The following CRIM1 variants were observed in gnomAD, a reference collection of about 807,000 sequenced individuals.
CRIM1 encodes cysteine-rich motor neuron 1 protein.
Under a neutral mutation model 116.4 loss-of-function variants are expected in CRIM1, and 32 were observed. The observed-to-expected ratio is 0.27, with a 90% CI of 0.21 to 0.37. The LOEUF is 0.37. Ranked by LOEUF, CRIM1 falls within the 10% of genes least tolerant of loss-of-function variation. CRIM1 has a pLI of 1.00. For synonymous variants in CRIM1, 590 were observed against 509.2 expected (o/e 1.16, Z -2.13); for missense variants, 1,331 against 1,354.8 (o/e 0.98, Z 0.28).
chr2:36,415,775 A>T (rs1673568844), intron 2 of CRIM1, among the ~76,000 whole-genome samples: 1 of 152,172 alleles, frequency 6.6e-6, no homozygotes, highest in African/African-American at 2.4e-5. Context: ...ATGTGGTAGG[A>T]CCTTATTATA....
intron 2 of CRIM1, among the ~76,000 whole-genome samples, chr2:36,424,265 A>T (rs1450889684): frequency 6.6e-6 from 1 of 152,216 alleles, no homozygotes; most frequent in Middle Eastern, 3.2e-3. Flanking sequence ...CTTGTAGGGG[A>T]GGCAGAGATG....
intron 13 of CRIM1, among the ~76,000 whole-genome samples, chr2:36,522,874 T>C (rs1224075053): frequency 6.6e-6 from 1 of 151,644 alleles, no homozygotes; most frequent in East Asian, 1.9e-4. Context: ...GTTACAGCAC[T>C]GTCGTGTTCT....
At chr2:36,369,766 A>G (rs1056597453) in intron 1 of CRIM1, among the ~76,000 whole-genome samples, 4 of 152,214 alleles carry the variant, frequency 2.6e-5, no homozygotes, top group Non-Finnish European at 5.9e-5. Flanking sequence ...TACTCAGGGT[A>G]GTGAACTATT....
chr2:36,502,095 T>C (rs531507218), intron 8 of CRIM1, among the ~76,000 whole-genome samples: 1 of 152,278 alleles, frequency 6.6e-6, no homozygotes, highest in South Asian at 2.1e-4. Flanking sequence ...AAAATACAGA[T>C]TTCATTGTGT....
At chr2:36,427,460 G>T (rs1334659390) in intron 2 of CRIM1, among the ~76,000 whole-genome samples, 1 of 152,192 alleles carries the variant, frequency 6.6e-6, no homozygotes, top group African/African-American at 2.4e-5. Context: ...GGAAGCCATG[G>T]CAGCATGAGA....
At chr2:36,389,720 A>G (rs984655483) in intron 1 of CRIM1, among the ~76,000 whole-genome samples, 1 of 152,304 alleles carries the variant, frequency 6.6e-6, no homozygotes, top group African/African-American at 2.4e-5. Flanking sequence ...CAGAAATTTC[A>G]TGTGAACACA....
intron 2 of CRIM1, among the ~76,000 whole-genome samples, chr2:36,420,607 A>G (rs1184668802): frequency 1.3e-5 from 2 of 152,218 alleles, no homozygotes; most frequent in Admixed American, 6.5e-5. Flanking sequence ...GCACCTGTGC[A>G]TGCCAGTGCC....
chr2:36,410,580 C>A (rs1268762397), intron 2 of CRIM1, among the ~76,000 whole-genome samples: 1 of 150,992 alleles, frequency 6.6e-6, no homozygotes, highest in African/African-American at 2.4e-5. Context: ...TGCCCATGTT[C>A]TGTTATTAAG....
chr2:36,406,397 A>T (rs1008008531), intron 2 of CRIM1, among the ~76,000 whole-genome samples: 1 of 152,080 alleles, frequency 6.6e-6, no homozygotes, highest in Non-Finnish European at 1.5e-5. Flanking sequence ...GGAATATATG[A>T]CCTTTGATGG....
At chr2:36,477,149 G>C in intron 6 of CRIM1, 78 bp downstream of exon 6, 4 of 1,168,486 alleles carry the variant, frequency 3.4e-6, no homozygotes, top group Middle Eastern at 2.0e-4. Context: ...TCCTAATTCA[G>C]TCTCATCCAA....
chr2:36,480,900 AAAG>A (rs1430379688), intron 7 of CRIM1, among the ~76,000 whole-genome samples: 1 of 152,208 alleles, frequency 6.6e-6, no homozygotes, highest in East Asian at 1.9e-4. Context: ...GCTGAAAAAA[AAAG>A]AGCATGTAGA....
chr2:36,367,036 A>T (rs1397689556), intron 1 of CRIM1, among the ~76,000 whole-genome samples: 2 of 152,128 alleles, frequency 1.3e-5, no homozygotes, highest in Admixed American at 6.5e-5. Context: ...CTCACTTCCC[A>T]TATTTGGGAG....
At chr2:36,513,075 ACTGGACAGT>A (rs1231575578) in intron 10 of CRIM1, among the ~76,000 whole-genome samples, 1 of 152,190 alleles carries the variant, frequency 6.6e-6, no homozygotes, top group East Asian at 1.9e-4. Flanking sequence ...ATTTTTCAAA[ACTGGACAGT>A]TACCACCTTA....
At chr2:36,535,525 C>G (rs1037674051) in intron 13 of CRIM1, among the ~76,000 whole-genome samples, 1 of 152,276 alleles carries the variant, frequency 6.6e-6, no homozygotes, top group Middle Eastern at 3.4e-3. Flanking sequence ...CTGATTACAA[C>G]TAGAACTTTC....
intron 2 of CRIM1, among the ~76,000 whole-genome samples, chr2:36,399,681 T>A (rs1250525708): frequency 6.6e-6 from 1 of 152,162 alleles, no homozygotes; most frequent in Admixed American, 6.5e-5. Context: ...CATGTTTGGA[T>A]CATGACCGGA....
intron 13 of CRIM1, among the ~76,000 whole-genome samples, chr2:36,530,790 C>T (rs1455770251): frequency 1.3e-5 from 2 of 152,164 alleles, no homozygotes; most frequent in Non-Finnish European, 2.9e-5. Context: ...AAACCTCAAA[C>T]TTAAGAACCC....
chr2:36,424,126 C>G (rs1215620750), intron 2 of CRIM1, among the ~76,000 whole-genome samples: 1 of 152,156 alleles, frequency 6.6e-6, no homozygotes, highest in East Asian at 1.9e-4. Context: ...AGGCCCAGTC[C>G]TCATGGAAAT....
chr2:36,542,034 T>C (rs1410677629), intron 14 of CRIM1, among the ~76,000 whole-genome samples: 2 of 152,206 alleles, frequency 1.3e-5, no homozygotes, highest in Admixed American at 6.5e-5. Context: ...AATGACTCTC[T>C]TCCCTTGGAC....
intron 15 of CRIM1, among the ~76,000 whole-genome samples, chr2:36,546,490 A>C (rs1314923425): frequency 6.6e-6 from 1 of 152,180 alleles, no homozygotes. Context: ...CCAAAAGACC[A>C]ACTTCCTGAT....
Sources: gnomAD v4.1 joint callset for allele counts (sites outside exome capture counted in the v4.1 genomes callset) on GRCh38, gnomAD v4.1.1 for gene constraint, MANE v1.5 for transcripts, NCBI Gene and HGNC (gene_info 2026-07-23, HGNC 2026-07-21) for gene names.